DISC1: variants seen among roughly 807,000 people sequenced by gnomAD.
DISC1 encodes the protein disrupted in schizophrenia 1 protein.
In DISC1, 57 loss-of-function variants were observed where a neutral mutation model predicts 84.5. The ratio of observed to expected loss-of-function variants is 0.67; its 90% confidence interval spans 0.55 to 0.84. The LOEUF is 0.84. Among genes scored for constraint, DISC1 ranks in the 40% least tolerant of loss-of-function variants. The pLI, the probability that DISC1 is intolerant of heterozygous loss-of-function variation, is 0.00. For synonymous variants in DISC1, 411 were observed against 415.2 expected (o/e 0.99, Z 0.12); for missense variants, 1,000 against 1,057.8 (o/e 0.95, Z 0.76).
chr1:231,933,370 A>G (rs2090787649), intron 9 of DISC1, among the ~76,000 whole-genome samples: 1 of 152,202 alleles, frequency 6.6e-6, no homozygotes, highest in African/African-American at 2.4e-5. Flanking sequence ...GAAAGTAGAA[A>G]CAAGTATCTA....
At chr1:231,703,184 C>A (rs1235095365) in intron 3 of DISC1, among the ~76,000 whole-genome samples, 1 of 152,182 alleles carries the variant, frequency 6.6e-6, no homozygotes, top group Non-Finnish European at 1.5e-5. Flanking sequence ...AGTCACGGGG[C>A]ATGGGAGGAA....
intron 9 of DISC1, among the ~76,000 whole-genome samples, chr1:231,847,634 G>A (rs1031143474): frequency 7.9e-5 from 12 of 152,030 alleles, no homozygotes; most frequent in African/African-American, 1.9e-4. Flanking sequence ...TAGATGCACC[G>A]AGCTTGTTCA....
At chr1:232,030,816 A>C (rs969192885) in intron 12 of DISC1, among the ~76,000 whole-genome samples, 3 of 152,112 alleles carry the variant, frequency 2.0e-5, no homozygotes, top group African/African-American at 7.2e-5. Flanking sequence ...TTTATAGATA[A>C]GAAAATCCAG....
At chr1:231,982,780 G>A (rs1220479692) in intron 10 of DISC1, among the ~76,000 whole-genome samples, 3 of 152,082 alleles carry the variant, frequency 2.0e-5, no homozygotes, top group Non-Finnish European at 2.9e-5. Context: ...GCCTTGGAGC[G>A]TGTGAAGAAC....
In DISC1 at chr1:231,630,013, C is replaced by G. The variant is rs1447225883; in HGVS notation, c.67+3079C>G. 1.3e-5 allele frequency among the ~76,000 whole-genome samples: 2 copies of G among 152,160 alleles called. No homozygotes were observed. Among genetic ancestry groups the G allele is most frequent in the Non-Finnish European group, 2.9e-5 (2 of 68,032 alleles). ...GTGGCACGATCTCGGCTCACTGCAA[C>G]CTCTGCCTCCTGGGTTCAAGCGATT... On this transcript the variant is annotated intron_variant, in intron 1 of 12. Coordinates refer to ENST00000439617, the MANE Select transcript of DISC1 (RefSeq NM_018662.3). The surrounding 1 kb of genome is among the most constrained non-coding windows in gnomAD (Gnocchi z 4.4).
At chr1:231,669,426 A>G (rs1271543383) in intron 1 of DISC1, among the ~76,000 whole-genome samples, 1 of 152,252 alleles carries the variant, frequency 6.6e-6, no homozygotes, top group East Asian at 1.9e-4. Context: ...CTATCAACAC[A>G]GTAAACAGAC....
intron 1 of DISC1, among the ~76,000 whole-genome samples, chr1:231,661,925 G>A (rs1185595529): frequency 6.6e-6 from 1 of 152,036 alleles, no homozygotes; most frequent in African/African-American, 2.4e-5. Flanking sequence ...GGGTTTTGTG[G>A]GATTCTTTTT....
At chr1:231,916,498 CA>C (rs1375485240) in intron 9 of DISC1, among the ~76,000 whole-genome samples, 5 of 151,250 alleles carry the variant, frequency 3.3e-5, no homozygotes, top group East Asian at 1.9e-4. Context: ...ACTAAAAATA[CA>C]AAAAAATTAG....
chr1:231,720,673 G>A lies in DISC1; in HGVS notation c.1117+18649G>A, dbSNP rs201773682. 1.1e-4 allele frequency among the ~76,000 whole-genome samples: 16 copies of A among 152,178 alleles called. No individual in the cohort carries two copies. In the East Asian group the frequency reaches 1.2e-3, roughly 11 times the overall value. The stretch of plus-strand genomic sequence containing the variant: ...GCTTTTCTAATGCTTCATTTTTGCC[G>A]TTCCCTAACTTGACTACTTTTAGTT... On this transcript the variant is annotated intron_variant, in intron 3 of 12. Coordinates refer to ENST00000439617, the MANE Select transcript of DISC1 (RefSeq NM_018662.3).
chr1:231,814,590 C>T (rs901198399), intron 8 of DISC1, among the ~76,000 whole-genome samples: 3 of 152,062 alleles, frequency 2.0e-5, no homozygotes, highest in African/African-American at 7.2e-5. Context: ...TTTGTGTTTC[C>T]CCACACGTCA....
intron 9 of DISC1, among the ~76,000 whole-genome samples, chr1:231,881,579 G>A (rs767599410): frequency 2.6e-5 from 4 of 152,084 alleles, no homozygotes; most frequent in Non-Finnish European, 5.9e-5. Context: ...AGGTCCCAGG[G>A]GTTAAGGTCT....
intron 10 of DISC1, among the ~76,000 whole-genome samples, chr1:231,985,550 T>C (rs1326051900): frequency 1.3e-5 from 2 of 152,142 alleles, no homozygotes; most frequent in African/African-American, 4.8e-5. Flanking sequence ...TCAGAAAGTG[T>C]GTCATGACAT....
rs2089921720 is a variant in DISC1, at chr1:231,920,392, ACT to A, written c.1982-38433_1982-38432del. On this transcript the variant is annotated intron_variant, in intron 9 of 12. Transcript: ENST00000439617. ...AACTTTCTTATCTTTGCTAGCTGAAACTCTGTCCCCATTAAACACTAAGTCCC... is the reference window on the plus strand; with the variant it reads ...AACTTTCTTATCTTTGCTAGCTGAAACTGTCCCCATTAAACACTAAGTCCC... Among the ~76,000 whole-genome samples the A allele has an allele frequency of 1.3e-5, 2 of 151,450 alleles. 1 individual carries two copies. The highest frequency in any genetic ancestry group is 4.2e-4 in the South Asian group (2 of 4,786).
chr1:231,665,845 C>G (rs559186685), intron 1 of DISC1, among the ~76,000 whole-genome samples: 15 of 152,314 alleles, frequency 9.8e-5, no homozygotes, highest in African/African-American at 3.4e-4. Flanking sequence ...GATTTCTGAA[C>G]TAGTTCTACA....
chr1:231,936,062 T>A (rs902224426), intron 9 of DISC1, among the ~76,000 whole-genome samples: 2 of 152,142 alleles, frequency 1.3e-5, no homozygotes, highest in Non-Finnish European at 2.9e-5. Flanking sequence ...GTGTCCATGC[T>A]GGGGAGAGGC....
rs528864937 is a variant in DISC1 at position 231,897,487 on chromosome 1, C to T, written c.1982-61341C>T. Reference sequence around the variant, plus strand: ...ACAAGGCCAAAATATTTCTTTCACACATACAGCGCAGACTAAATCGTCTTT... The same window carrying T: ...ACAAGGCCAAAATATTTCTTTCACATATACAGCGCAGACTAAATCGTCTTT... On this transcript the variant is annotated intron_variant, in intron 9 of 12. Transcript: ENST00000439617. This position sits in a 1 kb window ranked among gnomAD's most constrained non-coding sequence, Gnocchi z 4.5. Among the ~76,000 whole-genome samples the T allele has an allele frequency of 6.6e-6, 1 of 152,324 alleles. No homozygotes were observed. Among genetic ancestry groups the T allele is most frequent in the Admixed American group, 6.5e-5 (1 of 15,296 alleles).
At chr1:232,015,421 G>T (rs1668397739) in intron 11 of DISC1, among the ~76,000 whole-genome samples, 1 of 152,142 alleles carries the variant, frequency 6.6e-6, no homozygotes, top group African/African-American at 2.4e-5. Context: ...GATGGCGTCT[G>T]CCTGAATGGC....
chr1:231,818,610 C>A, intron 9 of DISC1, 93 bp downstream of exon 9: 1 of 1,564,778 alleles, frequency 6.4e-7, no homozygotes, highest in South Asian at 1.2e-5. Flanking sequence ...ATGTGAACGT[C>A]ACTGTGAAGA....
At chr1:231,731,999 A>G (rs938290454) in intron 3 of DISC1, among the ~76,000 whole-genome samples, 6 of 152,306 alleles carry the variant, frequency 3.9e-5, no homozygotes, top group Non-Finnish European at 5.9e-5. Flanking sequence ...AGTAAAGAGT[A>G]AAATTAAGGT....
Sources: allele counts gnomAD v4.1 joint callset (sites outside exome capture counted in the v4.1 genomes callset), GRCh38; gene constraint gnomAD v4.1.1; non-coding constraint Gnocchi (gnomAD v3.1); transcripts MANE v1.5; gene names NCBI Gene and HGNC (gene_info 2026-07-23, HGNC 2026-07-21).